Variants in TNRC6B observed in about 807,000 individuals in gnomAD.
The protein encoded by TNRC6B is trinucleotide repeat containing adaptor 6B.
Under a neutral mutation model 203.6 loss-of-function variants are expected in TNRC6B, and 52 were observed. The ratio of observed to expected loss-of-function variants is 0.26; its 90% CI spans 0.20 to 0.32. The LOEUF (loss-of-function observed/expected upper bound fraction) is 0.32, where lower values mean the gene tolerates loss of function less well. Ranked by LOEUF, TNRC6B falls within the 10% of genes least tolerant of loss-of-function variation. The pLI is 1.00. For missense variants in TNRC6B, 1,923 were observed against 2,286.2 expected (o/e 0.84, Z 3.24); for synonymous variants, 838 against 845.7 (o/e 0.99, Z 0.16).
chr22:40,281,440 C>A (rs1386872191), intron 11 of TNRC6B, among the ~76,000 whole-genome samples, 151 bp downstream of exon 11: 8 of 152,024 alleles, frequency 5.3e-5, no homozygotes, highest in Non-Finnish European at 7.4e-5. Flanking sequence ...ATCTTTCAGC[C>A]CATAGAACCC....
chr22:40,192,806 G>C (rs546139184), intron 1 of TNRC6B, among the ~76,000 whole-genome samples: 1 of 152,314 alleles, frequency 6.6e-6, no homozygotes, highest in Non-Finnish European at 1.5e-5. Context: ...AACAGCAGGG[G>C]TAGAAGGCAA....
chr22:40,239,997 A>AT (rs1172410920), intron 1 of TNRC6B, among the ~76,000 whole-genome samples: 4 of 151,598 alleles, frequency 2.6e-5, no homozygotes, highest in Admixed American at 1.3e-4. Flanking sequence ...TGCCCAGCTA[A>AT]TTTTTTTGTA....
intron 1 of TNRC6B, among the ~76,000 whole-genome samples, chr22:40,085,090 AT>A (rs1463687628): frequency 6.6e-6 from 1 of 152,176 alleles, no homozygotes; most frequent in Non-Finnish European, 1.5e-5. Context: ...TTGTGAGGAC[AT>A]TTCAATAGCC....
At chr22:40,201,098 A>G (rs2069406636) in intron 1 of TNRC6B, among the ~76,000 whole-genome samples, 1 of 152,220 alleles carries the variant, frequency 6.6e-6, no homozygotes. Context: ...CACCTGGTAA[A>G]TGGTAGCTCC....
chr22:40,268,329 A>G (rs1032493453), intron 5 of TNRC6B, among the ~76,000 whole-genome samples: 2 of 151,892 alleles, frequency 1.3e-5, no homozygotes, highest in African/African-American at 2.4e-5. Context: ...CAGGTGATCC[A>G]CCCGCCTCAG....
intron 1 of TNRC6B, among the ~76,000 whole-genome samples, chr22:40,103,248 A>G (rs2068255279): frequency 1.3e-5 from 2 of 151,136 alleles, no homozygotes; most frequent in Non-Finnish European, 2.9e-5. Flanking sequence ...AGCCTGGGCG[A>G]CAGAATGACA....
At chr22:40,173,804 T>A (rs1419037732), upstream of TNRC6B, among the ~76,000 whole-genome samples, 56 of 118,186 alleles carry the variant, frequency 4.7e-4, no homozygotes, top group African/African-American at 9.7e-4. Flanking sequence ...TTTTTTTTTT[T>A]TTTTTTTTTT....
At chr22:40,110,015 G>A (rs746493354) in intron 1 of TNRC6B, among the ~76,000 whole-genome samples, 1 of 152,170 alleles carries the variant, frequency 6.6e-6, no homozygotes, top group Non-Finnish European at 1.5e-5. Context: ...AATTGGAGAA[G>A]CAGTATACAT....
At chr22:40,067,289 C>T (rs879896945) in intron 1 of TNRC6B, among the ~76,000 whole-genome samples, 43 of 152,004 alleles carry the variant, frequency 2.8e-4, no homozygotes, top group African/African-American at 9.9e-4. Flanking sequence ...TATTCATATA[C>T]GATGTTGAAT....
chr22:40,299,079 A>T (rs1430106179), intron 12 of TNRC6B, among the ~76,000 whole-genome samples: 1 of 149,420 alleles, frequency 6.7e-6, no homozygotes, highest in Non-Finnish European at 1.5e-5. Context: ...CGGGAGGTCA[A>T]GGCTGCAGTG....
intron 1 of TNRC6B, among the ~76,000 whole-genome samples, chr22:40,210,196 A>G (rs2069542650): frequency 6.6e-6 from 1 of 152,068 alleles, no homozygotes; most frequent in East Asian, 1.9e-4. Flanking sequence ...CCCACCTGAA[A>G]GGGTTTAACT....
Position 40,265,273 on chromosome 22 carries a change from C to A in TNRC6B, c.1043C>A (p.Ser348Ter). 6.2e-7 allele frequency: 1 copy of A among 1,613,972 alleles called. No homozygotes were observed. Among genetic ancestry groups the A allele is most frequent in the South Asian group, 1.1e-5 (1 of 91,064 alleles). The change falls in exon 5 of 23, where the codon TCA becomes TAA. Residue 348 changes from serine (S) to a stop codon, truncating the protein, a stop_gained. Coordinates refer to ENST00000454349, the MANE Select transcript of TNRC6B (RefSeq NM_001162501.2). LOFTEE classifies it high-confidence loss of function. ...TVGQTSREQQ[S>*]KMENAGVNFV... ...GGTCAGACATCCAGGGAACAGCAGT[C>A]AAAGATGGAAAATGCGGGTGTTAAT...
intron 1 of TNRC6B, among the ~76,000 whole-genome samples, chr22:40,217,410 G>A (rs2069649772): frequency 6.6e-6 from 1 of 152,130 alleles, no homozygotes; most frequent in South Asian, 2.1e-4. Context: ...AGGTCTCGTG[G>A]GGTGTCAGAG....
rs370443480 is a variant in TNRC6B at position 40,323,074 on chromosome 22, G to T, written c.5335G>T (p.Ala1779Ser). The T allele has an allele frequency of 6.2e-7, 1 of 1,604,796 alleles. No homozygotes were observed. Among genetic ancestry groups the T allele is most frequent in the East Asian group, 2.2e-5 (1 of 44,592 alleles). The change falls in exon 23 of 23, where the codon GCT becomes TCT. Residue 1779 changes from alanine to serine, a missense_variant. Coordinates refer to ENST00000454349, the MANE Select transcript of TNRC6B (RefSeq NM_001162501.2). ...TGGGCTCGGGCAGTGGAGCAGCAGC[G>T]CTGGTGGCAGCAGCGGGGCCGATCT... ...STGLGQWSSS[A>S]GGSSGADLAG... is the part of the protein sequence containing the mutation.
chr22:40,236,935 C>T (rs532506113), intron 1 of TNRC6B, among the ~76,000 whole-genome samples: 2 of 152,186 alleles, frequency 1.3e-5, no homozygotes, highest in South Asian at 4.2e-4. Flanking sequence ...GAGGTCGAGG[C>T]GGGCGGATTA....
At chr22:40,318,754 G>A (rs571608720) in intron 21 of TNRC6B, among the ~76,000 whole-genome samples, 19 of 152,084 alleles carry the variant, frequency 1.2e-4, no homozygotes, top group South Asian at 1.0e-3. Flanking sequence ...CAGGCCAATC[G>A]GCTGTTCACT....
intron 1 of TNRC6B, among the ~76,000 whole-genome samples, chr22:40,215,383 T>C (rs1253791160): frequency 6.6e-6 from 1 of 152,208 alleles, no homozygotes. Flanking sequence ...CAGCCACATT[T>C]CTCATTGCCA....
intron 3 of TNRC6B, among the ~76,000 whole-genome samples, chr22:40,130,069 TAAATG>T (rs1021248289): frequency 6.6e-6 from 1 of 152,108 alleles, no homozygotes; most frequent in Non-Finnish European, 1.5e-5. Context: ...CATTTGGAAA[TAAATG>T]GAAGAGAGAA....
chr22:40,282,964 C>T (rs1326754551), intron 11 of TNRC6B, among the ~76,000 whole-genome samples: 1 of 152,118 alleles, frequency 6.6e-6, no homozygotes, highest in African/African-American at 2.4e-5. Context: ...GTAATAGCCA[C>T]ACAAACCTGC....
Sources: gnomAD v4.1 joint callset for allele counts (sites outside exome capture counted in the v4.1 genomes callset) on GRCh38, gnomAD v4.1.1 for gene constraint, MANE v1.5 for transcripts, NCBI Gene and HGNC (gene_info 2026-07-23, HGNC 2026-07-21) for gene names.